The following GCNT1 variants were observed in gnomAD, a reference collection of about 807,000 sequenced individuals.
GCNT1 encodes the protein glucosaminyl (N-acetyl) transferase 1.
A neutral mutation model predicts 26.2 loss-of-function variants in GCNT1; 16 were observed. The observed-to-expected ratio is 0.61, with a 90% CI of 0.41 to 0.93. The LOEUF (loss-of-function observed/expected upper bound fraction) is 0.93. GCNT1 is among the 40% of genes least tolerant of loss of function. GCNT1 has a pLI of 0.00. For missense variants in GCNT1, 477 were observed against 526.7 expected, an observed-to-expected ratio of 0.91 and a Z score of 0.92; for synonymous variants, 183 against 190.8, an observed-to-expected ratio of 0.96 and a Z score of 0.34.
At chr9:76,398,730 A>G in the GCNT1 span, 2 of 1,306,036 alleles carry the variant, frequency 1.5e-6, no homozygotes, top group Non-Finnish European at 2.2e-6. Context: ...CTGCAAATGA[A>G]GGAGGAGGAT....
intron 2 of GCNT1, among the ~76,000 whole-genome samples, chr9:76,472,963 G>C (rs951900864): frequency 4.6e-5 from 7 of 151,946 alleles, no homozygotes; most frequent in African/African-American, 1.7e-4. Context: ...TGGCCGGGGT[G>C]GTCTAGAATT....
At chr9:76,410,848 C>A in the GCNT1 span, among the ~76,000 whole-genome samples, 1 of 152,100 alleles carries the variant, frequency 6.6e-6, no homozygotes, top group Non-Finnish European at 1.5e-5. Context: ...TCAGTTTTTG[C>A]CCCACATATT....
chr9:76,464,431 G>A (rs1434357529), intron 2 of GCNT1, among the ~76,000 whole-genome samples: 1 of 152,202 alleles, frequency 6.6e-6, no homozygotes, highest in Non-Finnish European at 1.5e-5. Context: ...TGCCCAGGCT[G>A]GTCTCAAACT....
intron 2 of GCNT1, among the ~76,000 whole-genome samples, chr9:76,465,063 C>T (rs993277766): frequency 6.6e-6 from 1 of 152,008 alleles, no homozygotes; most frequent in African/African-American, 2.4e-5. Context: ...TAGCACACTG[C>T]CATCAAACTC....
chr9:76,430,964 G>A (rs549848208), intron 1 of GCNT1, among the ~76,000 whole-genome samples: 2 of 152,314 alleles, frequency 1.3e-5, no homozygotes, highest in South Asian at 4.1e-4. Flanking sequence ...GGGATTACGG[G>A]CATGAGCCAC....
chr9:76,428,861 C>T (rs895352199), intron 1 of GCNT1, among the ~76,000 whole-genome samples: 1 of 151,950 alleles, frequency 6.6e-6, no homozygotes, highest in Admixed American at 6.6e-5. Flanking sequence ...CCACCACACC[C>T]GGCTAATTTT....
At chr9:76,491,679 G>A (rs971647614) in intron 2 of GCNT1, among the ~76,000 whole-genome samples, 3 of 152,174 alleles carry the variant, frequency 2.0e-5, no homozygotes, top group African/African-American at 7.2e-5. Flanking sequence ...TGGTATATAG[G>A]TTAAGGTCAG....
upstream of GCNT1, among the ~76,000 whole-genome samples, chr9:76,439,056 A>C (rs1823445280): frequency 6.6e-6 from 1 of 152,170 alleles, no homozygotes; most frequent in African/African-American, 2.4e-5. Context: ...ATGATAAAAC[A>C]TGAAAGTAGG....
chr9:76,414,315 C>T, the GCNT1 span, among the ~76,000 whole-genome samples: 2,677 of 152,192 alleles, frequency 0.018, 91 homozygotes, highest in African/African-American at 0.061. Flanking sequence ...ACACCTTTAG[C>T]GATGTGCTGG....
At chr9:76,449,307 AAC>A (rs1823626055) in intron 1 of GCNT1, among the ~76,000 whole-genome samples, 1 of 104,022 alleles carries the variant, frequency 9.6e-6, no homozygotes, top group Non-Finnish European at 2.2e-5. Context: ...CTCTATAAAA[AAC>A]AACAAAAAAA....
intron 2 of GCNT1, among the ~76,000 whole-genome samples, chr9:76,465,169 A>AT (rs1206767406): frequency 1.7e-4 from 24 of 138,734 alleles, no homozygotes; most frequent in Admixed American, 1.2e-3. Context: ...TTTTTTTTTT[A>AT]TTTTTTTTTA....
chr9:76,413,727 T>C, the GCNT1 span, among the ~76,000 whole-genome samples: 1 of 150,788 alleles, frequency 6.6e-6, no homozygotes, highest in Non-Finnish European at 1.5e-5. Flanking sequence ...CCAGCATATG[T>C]AGTTTGATGT....
chr9:76,461,277 G>A lies in GCNT1; in HGVS notation c.-290+1100G>A, dbSNP rs377301210. ...AATGTAAAGCCTGATTTTAAATATT[G>A]GCTCATATTTTTTCCTTTTTAGAAC... On this transcript the variant is annotated intron_variant, in intron 2 of 3. Coordinates refer to ENST00000376730, the MANE Select transcript of GCNT1 (RefSeq NM_001490.5). Among the ~76,000 whole-genome samples, 8 of 145,714 alleles carry A rather than the reference G, an allele frequency of 5.5e-5. No homozygotes were observed. In the East Asian group the frequency reaches 1.6e-3, roughly 29 times the overall value.
chr9:76,457,590 G>C (rs1268830677), upstream of GCNT1, among the ~76,000 whole-genome samples: 1 of 152,128 alleles, frequency 6.6e-6, no homozygotes, highest in African/African-American at 2.4e-5. Context: ...TAACATGTCA[G>C]TATTTTAACT....
At position 76,420,374 on chromosome 9, in the gene GCNT1, A is replaced by G. The variant is rs116913852; in HGVS notation, n.38+487A>G. Among the ~76,000 whole-genome samples the G allele has an allele frequency of 1.3e-3, 196 of 152,296 alleles. 6 individuals carry two copies. In the East Asian group the frequency reaches 0.037, roughly 29 times the overall value. ...ACTGCAGCCTTGAACTCCTGGGCCAAGTAATCCTCCTCCCTTAGCCTCCCG... is the reference window on the plus strand; with the variant it reads ...ACTGCAGCCTTGAACTCCTGGGCCAGGTAATCCTCCTCCCTTAGCCTCCCG... On this transcript the variant is annotated intron_variant and non_coding_transcript_variant, in intron 1 of 3. Transcript: ENST00000488136.
At chr9:76,493,930 GA>G (rs34907322) in intron 2 of GCNT1, among the ~76,000 whole-genome samples, 4 of 152,006 alleles carry the variant, frequency 2.6e-5, no homozygotes, top group African/African-American at 9.7e-5. Context: ...CCATAGTGCA[GA>G]AAAAAATAAG....
intron 2 of GCNT1, among the ~76,000 whole-genome samples, chr9:76,487,233 C>T (rs480516): frequency 0.23 from 34,787 of 152,160 alleles, 4,499 homozygotes; most frequent in African/African-American, 0.35. Context: ...CCTGCTCCTT[C>T]CCTTGACCTA....
chr9:76,437,613 C>T (rs571477771), upstream of GCNT1, among the ~76,000 whole-genome samples: 35 of 152,336 alleles, frequency 2.3e-4, no homozygotes, highest in South Asian at 6.2e-3. Context: ...TACTTTTCTA[C>T]TATACTTGTT....
chr9:76,444,791 G>T (rs957261909), intron 1 of GCNT1, among the ~76,000 whole-genome samples: 24 of 152,188 alleles, frequency 1.6e-4, no homozygotes, highest in African/African-American at 5.5e-4. Flanking sequence ...GGAGACCTCA[G>T]CTCTTAGCCT....
Sources: allele counts gnomAD v4.1 joint callset (sites outside exome capture counted in the v4.1 genomes callset), GRCh38; gene constraint gnomAD v4.1.1; transcripts MANE v1.5; gene names NCBI Gene and HGNC (gene_info 2026-07-23, HGNC 2026-07-21).